BCAP29: variants seen among roughly 807,000 people sequenced by gnomAD.
BCAP29 encodes B cell receptor associated protein 29, also known as B-cell receptor-associated protein 29.
In BCAP29, 34 loss-of-function variants were observed where a neutral mutation model predicts 31.8. The ratio of observed to expected loss-of-function variants is 1.07; its 90% CI spans 0.81 to 1.42. The LOEUF is 1.42. BCAP29 is among the 40% of genes most tolerant of loss of function. The pLI, the probability that BCAP29 is intolerant of heterozygous loss-of-function variation, is 0.00. For missense variants in BCAP29, 314 were observed against 269.2 expected, an observed-to-expected ratio of 1.17 and a Z score of -1.16; for synonymous variants, 104 against 91.3, an observed-to-expected ratio of 1.14 and a Z score of -0.79.
chr7:107,592,103 C>G (rs1808975179), intron 3 of BCAP29, among the ~76,000 whole-genome samples: 1 of 151,896 alleles, frequency 6.6e-6, no homozygotes, highest in South Asian at 2.1e-4. Context: ...TGAGAACTTT[C>G]TAGAAAACAA....
intron 5 of BCAP29, among the ~76,000 whole-genome samples, chr7:107,596,406 T>C (rs536628422): frequency 6.6e-6 from 1 of 152,214 alleles, no homozygotes; most frequent in Admixed American, 6.5e-5. Context: ...TCGTTTTCTT[T>C]TAAATGATTG....
chr7:107,599,015 A>G (rs1810402416), intron 5 of BCAP29, among the ~76,000 whole-genome samples: 1 of 138,310 alleles, frequency 7.2e-6, no homozygotes, highest in Admixed American at 7.8e-5. Context: ...ACAAATTTAT[A>G]TATATAAATT....
intron 3 of BCAP29, chr7:107,587,765 T>C (rs1476596933): frequency 6.6e-6 from 1 of 151,916 alleles, no homozygotes; most frequent in Non-Finnish European, 1.5e-5. Context: ...ATAGAAAATT[T>C]AAGCAGACTA....
chr7:107,594,780 A>C (rs1383226274), intron 4 of BCAP29, among the ~76,000 whole-genome samples: 2 of 152,214 alleles, frequency 1.3e-5, no homozygotes, highest in Non-Finnish European at 2.9e-5. Flanking sequence ...GGGATTACAG[A>C]TGTGAGCCAA....
At chr7:107,580,449 T>C (rs1487797840) in intron 1 of BCAP29, 148 bp downstream of exon 1, 7 of 275,532 alleles carry the variant, frequency 2.5e-5, no homozygotes. Context: ...CCGCGGCGCC[T>C]TCTGGGAGCG....
chr7:107,593,928 G>T, intron 3 of BCAP29, 27 bp from the exon 4 acceptor site: 1 of 1,560,282 alleles, frequency 6.4e-7, no homozygotes, highest in East Asian at 2.3e-5. Flanking sequence ...AAAGCCAAAA[G>T]TACTGTTTTC....
At chr7:107,608,462 G>A (rs1267041081) in intron 6 of BCAP29, among the ~76,000 whole-genome samples, 1 of 142,846 alleles carries the variant, frequency 7.0e-6, no homozygotes, top group Admixed American at 6.8e-5. Flanking sequence ...TTGGATATTT[G>A]TTTGTTTGTT....
Position 107,599,324 on chromosome 7 carries a change from T to A in BCAP29, c.481-1073T>A, listed in dbSNP as rs1434873643. Among the ~76,000 whole-genome samples the A allele has an allele frequency of 2.7e-4, 34 of 127,744 alleles. 2 individuals carry two copies. The highest frequency in any genetic ancestry group is 8.5e-4 in the African/African-American group (29 of 34,168). 83.8% of individuals were successfully genotyped at this position (127,744 alleles called of 152,430 possible). A position where few individuals can be genotyped will look rare whatever the true frequency, so the allele number is the denominator to read the frequency against. On this transcript the variant is annotated intron_variant, in intron 5 of 7. Coordinates refer to ENST00000005259, the MANE Select transcript of BCAP29 (RefSeq NM_018844.4). ...TATATAAATTTTATATATATATATA[T>A]AAATATATATATGCACACATATATA...
At chr7:107,599,486 C>CTCCA (rs1457512949) in intron 5 of BCAP29, among the ~76,000 whole-genome samples, 4 of 145,102 alleles carry the variant, frequency 2.8e-5, no homozygotes, top group Admixed American at 7.0e-5. Flanking sequence ...CACCACTGTA[C>CTCCA]TCCAGCCTGG....
At chr7:107,586,785 T>G (rs1807781269) in intron 3 of BCAP29, among the ~76,000 whole-genome samples, 1 of 150,330 alleles carries the variant, frequency 6.7e-6, no homozygotes, top group Non-Finnish European at 1.5e-5. Flanking sequence ...TGAAATGCAG[T>G]GGTGCGATCT....
At chr7:107,581,131 T>A (rs1429707171) in intron 2 of BCAP29, among the ~76,000 whole-genome samples, 1 of 152,228 alleles carries the variant, frequency 6.6e-6, no homozygotes, top group Non-Finnish European at 1.5e-5. Flanking sequence ...AAGCAACGAT[T>A]ATACTTTTAA....
intron 4 of BCAP29, among the ~76,000 whole-genome samples, chr7:107,595,273 T>C (rs758508620): frequency 6.6e-6 from 1 of 152,174 alleles, no homozygotes; most frequent in Admixed American, 6.5e-5. Flanking sequence ...TTAAATACTG[T>C]TTTAACTTTT....
chr7:107,617,703 T>C (rs1357574026), intron 7 of BCAP29, among the ~76,000 whole-genome samples: 3 of 152,216 alleles, frequency 2.0e-5, no homozygotes, highest in Admixed American at 1.3e-4. Context: ...GTTAATGTTA[T>C]TAAAGTTGCT....
intron 6 of BCAP29, among the ~76,000 whole-genome samples, chr7:107,604,413 T>C (rs1252144012): frequency 6.6e-6 from 1 of 152,148 alleles, no homozygotes; most frequent in Non-Finnish European, 1.5e-5. Context: ...AAACCCTAAA[T>C]TCCTGCCTCT....
In BCAP29 at chr7:107,618,827, C is replaced by T. The variant is rs950079026; in HGVS notation, c.*464C>T. 4.4e-5 allele frequency: 16 copies of T among 365,668 alleles called. No homozygotes were observed. The highest frequency in any genetic ancestry group is 4.2e-4 in the Admixed American group (10 of 23,866). 22.7% of individuals were successfully genotyped at this position (365,668 alleles called of 1,614,324 possible). On this transcript the variant is annotated 3_prime_UTR_variant, in exon 8 of 8. Coordinates refer to ENST00000005259, the MANE Select transcript of BCAP29 (RefSeq NM_018844.4). ...ACACAGGGAATGTAAATAAGGATAA[C>T]TGATCAGAGTTATCCACTGTATTTA...
In BCAP29 at chr7:107,618,561, C is replaced by CT; in HGVS notation, c.*200dup. 1 of 1,596,694 alleles carries CT rather than the reference C, an allele frequency of 6.3e-7. No homozygotes were observed. The highest frequency in any genetic ancestry group is 8.6e-7 in the Non-Finnish European group (1 of 1,166,214). On this transcript the variant is annotated 3_prime_UTR_variant, in exon 8 of 8. Transcript: ENST00000005259. ...ATATTGCAAAGTCTGTATTCCAGCT[C>CT]TTAAGAAAAATATAAGCATGTTAAA...
intron 3 of BCAP29, 74 bp from the exon 4 acceptor site, chr7:107,593,881 A>G: frequency 6.9e-7 from 1 of 1,455,148 alleles, no homozygotes; most frequent in Non-Finnish European, 9.2e-7. Context: ...CAGTTTTTCT[A>G]AAACTGCTTT....
intron 3 of BCAP29, among the ~76,000 whole-genome samples, chr7:107,591,095 A>T (rs1214384735): frequency 1.3e-5 from 2 of 152,020 alleles, no homozygotes; most frequent in Non-Finnish European, 2.9e-5. Flanking sequence ...TATACAGAAA[A>T]CTACAAAAAC....
Position 107,600,408 on chromosome 7 carries a change from C to T in BCAP29, c.492C>T (p.Ser164=), listed in dbSNP as rs1810942603. 1.3e-6 allele frequency: 2 copies of T among 1,599,434 alleles called. No individual in the cohort carries two copies. The highest frequency in any genetic ancestry group is 1.7e-6 in the Non-Finnish European group (2 of 1,168,836). Residue 164 remains serine, a synonymous_variant, in exon 6 of 8, where the codon AGC becomes AGT. Transcript: ENST00000005259. The part of the protein sequence containing the change: ...ENEKLKRILK[S]HGKDEECVLE... ...TCCTTTTGCAATAGATTTTGAAAAG[C>T]CATGGTAAAGATGAAGAATGTGTTT...
Sources: allele counts gnomAD v4.1 joint callset (sites outside exome capture counted in the v4.1 genomes callset), GRCh38; gene constraint gnomAD v4.1.1; transcripts MANE v1.5; gene names NCBI Gene and HGNC (gene_info 2026-07-23, HGNC 2026-07-21).